Variants in OR3A2 observed in about 807,000 individuals in gnomAD.
OR3A2 encodes olfactory receptor family 3 subfamily A member 2, also known as olfactory receptor 3A2.
For synonymous variants in OR3A2, 126 were observed against 159.3 expected (o/e 0.79, Z 1.57); for missense variants, 318 against 392.8 (o/e 0.81, Z 1.61).
chr17:3,365,014 C>A (rs2049551017), intron 2 of OR3A2, among the ~76,000 whole-genome samples: 1 of 151,730 alleles, frequency 6.6e-6, no homozygotes, highest in Non-Finnish European at 1.5e-5. Context: ...TTAGCAGCAA[C>A]AATGAGAACT....
rs768483891 is a variant in OR3A2, at chr17:3,292,014, A to T, written c.-84-12861T>A. 1.2e-5 allele frequency: 19 copies of T among 1,614,172 alleles called. No individual in the cohort carries two copies. In the East Asian group the frequency reaches 4.2e-4, roughly 36 times the overall value. On this transcript the variant is annotated intron_variant, in intron 3 of 4. Transcript: ENST00000573491. Reference sequence around the variant, plus strand: ...ATTGAGTTGGGTGCTGGAGCAGGAGAGCTGGAAGAGCTGTGGGAGGTCACA... The same window carrying T: ...ATTGAGTTGGGTGCTGGAGCAGGAGTGCTGGAAGAGCTGTGGGAGGTCACA...
chr17:3,319,828 A>G (rs2049104918), intron 3 of OR3A2, among the ~76,000 whole-genome samples: 1 of 152,216 alleles, frequency 6.6e-6, no homozygotes, highest in South Asian at 2.1e-4. Context: ...TAGTGCTGCA[A>G]TAAACATACG....
intron 2 of OR3A2, among the ~76,000 whole-genome samples, chr17:3,365,207 T>A (rs1465956274): frequency 6.6e-6 from 1 of 152,222 alleles, no homozygotes; most frequent in Admixed American, 6.5e-5. Context: ...CCCGACTGTA[T>A]CTTAGGTATG....
chr17:3,282,048 G>A (rs569554806), intron 1 of OR3A2, among the ~76,000 whole-genome samples: 41 of 152,208 alleles, frequency 2.7e-4, no homozygotes, highest in South Asian at 8.3e-4. Flanking sequence ...TCTCCATACC[G>A]GACATGAAGG....
intron 2 of OR3A2, among the ~76,000 whole-genome samples, chr17:3,352,879 A>C (rs371045333): frequency 6.6e-6 from 1 of 151,802 alleles, no homozygotes; most frequent in Admixed American, 6.6e-5. Context: ...CAATCCATAA[A>C]CATGCAATAT....
At chr17:3,319,948 G>A (rs1338246004) in intron 3 of OR3A2, among the ~76,000 whole-genome samples, 2 of 152,158 alleles carry the variant, frequency 1.3e-5, no homozygotes, top group Admixed American at 6.5e-5. Context: ...TTGAGGAATC[G>A]CCACACTGAC....
intron 2 of OR3A2, among the ~76,000 whole-genome samples, chr17:3,347,270 T>C (rs1390576586): frequency 6.6e-6 from 1 of 152,138 alleles, no homozygotes; most frequent in African/African-American, 2.4e-5. Flanking sequence ...ATACTTTAAG[T>C]TTTAGGGTAC....
chr17:3,330,966 T>C (rs1473319774), intron 3 of OR3A2, among the ~76,000 whole-genome samples: 1 of 152,110 alleles, frequency 6.6e-6, no homozygotes, highest in Non-Finnish European at 1.5e-5. Flanking sequence ...TCTCCTTCAC[T>C]TATGAAGCTT....
At chr17:3,292,581 A>C in intron 3 of OR3A2, 1 of 1,598,026 alleles carries the variant, frequency 6.3e-7, no homozygotes, top group South Asian at 1.1e-5. Flanking sequence ...TTCTGGCTGC[A>C]TGAGTTCCTG....
At chr17:3,310,533 G>C (rs146152495) in intron 3 of OR3A2, 6 of 535,858 alleles carry the variant, frequency 1.1e-5, no homozygotes, top group Admixed American at 3.9e-5. Flanking sequence ...GCCAGATGTG[G>C]GGTGTGTCAG....
At chr17:3,349,158 C>T (rs1002263009) in intron 2 of OR3A2, among the ~76,000 whole-genome samples, 12 of 152,002 alleles carry the variant, frequency 7.9e-5, no homozygotes, top group African/African-American at 2.9e-4. Context: ...ATCATAATGA[C>T]AAGATCAAAT....
chr17:3,353,760 G>C (rs748348919), intron 2 of OR3A2, among the ~76,000 whole-genome samples: 3 of 151,746 alleles, frequency 2.0e-5, no homozygotes, highest in Admixed American at 1.3e-4. Context: ...AGTGAAATAA[G>C]CACATCATGG....
intron 1 of OR3A2, among the ~76,000 whole-genome samples, chr17:3,282,879 G>A (rs1223523767): frequency 6.6e-6 from 1 of 152,160 alleles, no homozygotes; most frequent in African/African-American, 2.4e-5. Flanking sequence ...TTCCCCACCT[G>A]CAATGGTTTC....
chr17:3,301,373 T>A (rs2048964507), intron 3 of OR3A2, among the ~76,000 whole-genome samples: 1 of 152,168 alleles, frequency 6.6e-6, no homozygotes, highest in South Asian at 2.1e-4. Context: ...GACTTTTTAA[T>A]GATTGCCATT....
chr17:3,280,740 G>T (rs1014791309), intron 1 of OR3A2, among the ~76,000 whole-genome samples: 1 of 152,248 alleles, frequency 6.6e-6, no homozygotes, highest in African/African-American at 2.4e-5. Flanking sequence ...ATGATTGCCT[G>T]AGCTGGGGCA....
chr17:3,315,814 C>G (rs770714490), intron 3 of OR3A2, among the ~76,000 whole-genome samples: 3 of 151,086 alleles, frequency 2.0e-5, no homozygotes, highest in Non-Finnish European at 4.4e-5. Flanking sequence ...TTCTCTCCAG[C>G]CTTCAGAGTG....
At chr17:3,344,306 G>A (rs1356182398) in intron 2 of OR3A2, among the ~76,000 whole-genome samples, 7 of 135,248 alleles carry the variant, frequency 5.2e-5, no homozygotes, top group Non-Finnish European at 6.2e-5. Flanking sequence ...ATACCCTGAA[G>A]AAGAAGATTT....
chr17:3,283,560 A>G (rs1443587759), intron 1 of OR3A2, among the ~76,000 whole-genome samples: 1 of 152,108 alleles, frequency 6.6e-6, no homozygotes, highest in African/African-American at 2.4e-5. Context: ...GGATGGTTAA[A>G]ATGTGTACGA....
At chr17:3,287,324 A>C (rs1597318595), upstream of OR3A2, among the ~76,000 whole-genome samples, 2 of 148,330 alleles carry the variant, frequency 1.3e-5, no homozygotes, top group African/African-American at 5.0e-5. Flanking sequence ...AATAATGCAC[A>C]TTGTACCCAT....
Sources: allele counts gnomAD v4.1 joint callset (sites outside exome capture counted in the v4.1 genomes callset), GRCh38; gene constraint gnomAD v4.1.1; transcripts MANE v1.5; gene names NCBI Gene and HGNC (gene_info 2026-07-23, HGNC 2026-07-21).